OCA2: variants seen among roughly 807,000 people sequenced by gnomAD.
OCA2 encodes the protein OCA2 melanosomal transmembrane protein, also known as P protein.
In OCA2, 77 loss-of-function variants were observed where a neutral mutation model predicts 100.2. That is an observed-to-expected ratio of 0.77 (90% CI 0.64 to 0.93). OCA2 has a LOEUF of 0.93. Among genes scored for constraint, OCA2 ranks in the 40% least tolerant of loss-of-function variants. The pLI is 0.00. For missense variants in OCA2, 1,062 were observed against 1,089.1 expected, an observed-to-expected ratio of 0.98 and a Z score of 0.35; for synonymous variants, 432 against 439.2, an observed-to-expected ratio of 0.98 and a Z score of 0.21.
intron 2 of OCA2, among the ~76,000 whole-genome samples, chr15:28,048,059 A>G (rs535072594): frequency 6.6e-6 from 1 of 152,366 alleles, no homozygotes; most frequent in South Asian, 2.1e-4. Context: ...AATAAATTTA[A>G]CAAAGAGGTA....
At chr15:28,087,608 A>G (rs1320698920) in intron 1 of OCA2, among the ~76,000 whole-genome samples, 1 of 152,100 alleles carries the variant, frequency 6.6e-6, no homozygotes, top group Non-Finnish European at 1.5e-5. Flanking sequence ...TTAGCCAGGC[A>G]TGGTGGTGCA....
chr15:28,062,291 T>C (rs565501757), intron 2 of OCA2, among the ~76,000 whole-genome samples: 1 of 152,364 alleles, frequency 6.6e-6, no homozygotes, highest in African/African-American at 2.4e-5. Context: ...CTCACTGAGC[T>C]TTTAATTTGC....
At chr15:28,087,423 A>C (rs2141945661) in intron 1 of OCA2, among the ~76,000 whole-genome samples, 1 of 152,344 alleles carries the variant, frequency 6.6e-6, no homozygotes, top group South Asian at 2.1e-4. Flanking sequence ...AAATGAAAGA[A>C]TACATTTTAG....
At chr15:27,908,579 A>G (rs1186923272) in intron 19 of OCA2, among the ~76,000 whole-genome samples, 1 of 152,202 alleles carries the variant, frequency 6.6e-6, no homozygotes, top group African/African-American at 2.4e-5. Flanking sequence ...CATTACAGCC[A>G]TGAAGTAAGG....
intron 2 of OCA2, among the ~76,000 whole-genome samples, chr15:28,063,448 ATTTTTTTCTATATGCCTCATG>A (rs910327074): frequency 1.3e-5 from 2 of 151,830 alleles, no homozygotes; most frequent in Non-Finnish European, 2.9e-5. Context: ...CTACTTTGGT[ATTTTTTTCTATATGCCTCATG>A]TTTTTTTCTG....
At position 27,963,872 on chromosome 15, in the gene OCA2, G is replaced by A. The variant is rs1476252894; in HGVS notation, c.1636+2818C>T. ...ATAAACCAACCAAAGAGAGAGAGAA[G>A]ACACAAACTATCAAACTACCAACAT... On this transcript the variant is annotated intron_variant, in intron 15 of 23. Transcript: ENST00000354638. 2.0e-5 allele frequency among the ~76,000 whole-genome samples: 3 copies of A among 152,102 alleles called. No homozygotes were observed. The East Asian group carries it at 5.8e-4, about 29-fold the overall frequency.
chr15:28,010,115 G>A (rs115342088), intron 9 of OCA2, among the ~76,000 whole-genome samples: 2,042 of 151,840 alleles, frequency 0.013, 43 homozygotes, highest in African/African-American at 0.047. Context: ...GAGCACATCA[G>A]TTGACACAAA....
intron 1 of OCA2, among the ~76,000 whole-genome samples, chr15:28,096,135 G>A (rs2044976588): frequency 6.7e-6 from 1 of 150,182 alleles, no homozygotes; most frequent in East Asian, 2.0e-4. Context: ...CCGGGGCGTG[G>A]TCGTGTCTCC....
At chr15:27,885,229 A>C (rs1174016640) in intron 19 of OCA2, among the ~76,000 whole-genome samples, 1 of 152,238 alleles carries the variant, frequency 6.6e-6, no homozygotes, top group Non-Finnish European at 1.5e-5. Flanking sequence ...AAGAGTTATC[A>C]ACTATTAACA....
At chr15:27,807,836 T>C (rs1216693882) in intron 23 of OCA2, among the ~76,000 whole-genome samples, 1 of 152,202 alleles carries the variant, frequency 6.6e-6, no homozygotes, top group African/African-American at 2.4e-5. Context: ...AACCTGGGCA[T>C]TAAGACATAA....
intron 23 of OCA2, among the ~76,000 whole-genome samples, chr15:27,798,056 A>C (rs369404834): frequency 8.5e-5 from 13 of 152,366 alleles, no homozygotes; most frequent in African/African-American, 3.1e-4. Flanking sequence ...CAAGAGGGTT[A>C]CGTGTGACAT....
chr15:27,974,204 T>G (rs1002463232), intron 14 of OCA2, among the ~76,000 whole-genome samples: 2 of 152,226 alleles, frequency 1.3e-5, no homozygotes, highest in Non-Finnish European at 2.9e-5. Flanking sequence ...TGACTAGGAC[T>G]TCCTCTTCAG....
intron 2 of OCA2, among the ~76,000 whole-genome samples, chr15:28,057,743 T>C (rs749392097): frequency 1.3e-5 from 2 of 152,190 alleles, no homozygotes; most frequent in Non-Finnish European, 2.9e-5. Flanking sequence ...GCACAAGCCC[T>C]CTGAGAGTAA....
At chr15:27,893,726 A>T (rs1226835384) in intron 19 of OCA2, among the ~76,000 whole-genome samples, 1 of 152,142 alleles carries the variant, frequency 6.6e-6, no homozygotes, top group Non-Finnish European at 1.5e-5. Context: ...TTGTAGTCAG[A>T]CCAGTTCTCT....
intron 18 of OCA2, among the ~76,000 whole-genome samples, chr15:27,951,341 A>C (rs1348192360): frequency 6.6e-6 from 1 of 152,252 alleles, no homozygotes; most frequent in Non-Finnish European, 1.5e-5. Context: ...TGGGCCCTGC[A>C]GAGCACCGGC....
intron 21 of OCA2, among the ~76,000 whole-genome samples, chr15:27,870,345 C>T (rs2151490347): frequency 6.6e-6 from 1 of 152,306 alleles, no homozygotes; most frequent in African/African-American, 2.4e-5. Flanking sequence ...CCTGGGACCT[C>T]AAGTATTTGT....
intron 23 of OCA2, among the ~76,000 whole-genome samples, chr15:27,833,987 T>G (rs1170947037): frequency 6.6e-6 from 1 of 152,192 alleles, no homozygotes; most frequent in Non-Finnish European, 1.5e-5. Flanking sequence ...ACAGAGCTCC[T>G]AAAACCTTTG....
intron 1 of OCA2, among the ~76,000 whole-genome samples, chr15:28,084,924 G>A (rs985716433): frequency 3.9e-5 from 6 of 152,168 alleles, no homozygotes; most frequent in South Asian, 2.1e-4. Context: ...AGGCTATTAC[G>A]TGTCAGGGGG....
intron 19 of OCA2, among the ~76,000 whole-genome samples, chr15:27,916,084 T>C (rs2703941): frequency 0.73 from 111,444 of 152,080 alleles, 42,073 homozygotes; most frequent in East Asian, 1. Context: ...AGCAAACTAA[T>C]GCAGGAACAG....
Sources: allele counts gnomAD v4.1 joint callset (sites outside exome capture counted in the v4.1 genomes callset), GRCh38; gene constraint gnomAD v4.1.1; transcripts MANE v1.5; gene names NCBI Gene and HGNC (gene_info 2026-07-23, HGNC 2026-07-21).